Variants in ANKS1B observed in about 807,000 individuals in gnomAD.
ANKS1B encodes ankyrin repeat and sterile alpha motif domain-containing protein 1B.
ANKS1B carries 36 observed loss-of-function variants against 148.3 expected under a neutral mutation model. The observed-to-expected ratio is 0.24, with a 90% CI of 0.19 to 0.32. ANKS1B has a LOEUF of 0.32. Among genes scored for constraint, ANKS1B ranks in the 10% least tolerant of loss-of-function variants. ANKS1B has a pLI of 1.00. For missense variants in ANKS1B, 1,157 were observed against 1,542.6 expected (o/e 0.75, Z 4.19); for synonymous variants, 542 against 560.8 (o/e 0.97, Z 0.47).
At chr12:99,510,881 G>C (rs936223654) in intron 9 of ANKS1B, among the ~76,000 whole-genome samples, 1 of 151,970 alleles carries the variant, frequency 6.6e-6, no homozygotes, top group Non-Finnish European at 1.5e-5. Context: ...TTTGTATCCT[G>C]AGAGTTTGCT....
intron 10 of ANKS1B, among the ~76,000 whole-genome samples, chr12:99,484,918 T>C (rs1259278739): frequency 1.3e-5 from 2 of 151,786 alleles, no homozygotes; most frequent in African/African-American, 4.8e-5. Flanking sequence ...CAAGGATTCA[T>C]ATAATGAATC....
intron 11 of ANKS1B, among the ~76,000 whole-genome samples, chr12:99,425,695 T>C (rs2095238871): frequency 6.6e-6 from 1 of 151,886 alleles, no homozygotes; most frequent in East Asian, 1.9e-4. Context: ...TCATTTTTCC[T>C]TTTATTTATT....
In ANKS1B at chr12:98,827,660, T is replaced by A. The variant is rs188508935; in HGVS notation, c.3066+1514A>T. Among the ~76,000 whole-genome samples, 547 of 152,232 alleles carry A rather than the reference T, an allele frequency of 3.6e-3. 4 individuals are homozygous for A. The highest frequency in any genetic ancestry group is 0.012 in the African/African-American group (503 of 41,524). The stretch of plus-strand genomic sequence containing the variant: ...ATAGGTAGAAGGGTAAGTCGTTTTT[T>A]AAAAAAACCCTGCAGTATATGGAGA... On this transcript the variant is annotated intron_variant, in intron 19 of 26. Transcript: ENST00000683438.
intron 19 of ANKS1B, among the ~76,000 whole-genome samples, chr12:98,820,897 AT>A (rs2099183523): frequency 6.6e-6 from 1 of 152,214 alleles, no homozygotes. Context: ...TAAACATGAG[AT>A]TTACTTTAAA....
intron 10 of ANKS1B, among the ~76,000 whole-genome samples, chr12:99,448,209 GATGA>G (rs2095667465): frequency 6.6e-6 from 1 of 152,082 alleles, no homozygotes; most frequent in Non-Finnish European, 1.5e-5. Context: ...TCCATTAAGA[GATGA>G]ATGGATAAAT....
At chr12:99,747,885 C>T (rs546245415) in intron 8 of ANKS1B, among the ~76,000 whole-genome samples, 1 of 152,154 alleles carries the variant, frequency 6.6e-6, no homozygotes, top group African/African-American at 2.4e-5. Context: ...CTAAAGAATC[C>T]ATCCAAAAGA....
rs755851597 is a variant in ANKS1B, at chr12:99,085,078, A to G, written c.2527-55T>C. 6 of 1,372,170 alleles carry G rather than the reference A, an allele frequency of 4.4e-6. No individual in the cohort carries two copies. The East Asian group carries it at 7.3e-5, about 17-fold the overall frequency. 85.0% of individuals were successfully genotyped at this position (1,372,170 alleles called of 1,614,324 possible). On this transcript the variant is annotated intron_variant, in intron 15 of 26. Transcript: ENST00000683438. ...AATCAAGCATTTATACTGTGGATAA[A>G]TAACAAGGATTTATTTAATACAGAG... is the stretch of plus-strand genomic sequence containing the variant.
At chr12:99,971,236 T>C (rs2095554487) in intron 1 of ANKS1B, among the ~76,000 whole-genome samples, 2 of 152,314 alleles carry the variant, frequency 1.3e-5, no homozygotes, top group Middle Eastern at 3.4e-3. Context: ...CGTTCTCTGC[T>C]TATGTCTTCA....
intron 17 of ANKS1B, among the ~76,000 whole-genome samples, chr12:99,005,455 A>ATACAT (rs2099935605): frequency 6.6e-6 from 1 of 152,208 alleles, no homozygotes; most frequent in Non-Finnish European, 1.5e-5. Context: ...TAAAAGGTTT[A>ATACAT]GTCATGGGGT....
At chr12:99,193,617 T>C (rs2081015093) in intron 14 of ANKS1B, among the ~76,000 whole-genome samples, 1 of 152,092 alleles carries the variant, frequency 6.6e-6, no homozygotes, top group African/African-American at 2.4e-5. Context: ...TGTAGGAGTG[T>C]CAGTTGTGAA....
chr12:99,172,685 T>G (rs994452782), intron 14 of ANKS1B, among the ~76,000 whole-genome samples: 2 of 152,178 alleles, frequency 1.3e-5, no homozygotes, highest in African/African-American at 4.8e-5. Flanking sequence ...GAACACTCTT[T>G]AGTTGCTAGA....
chr12:99,896,188 T>C (rs2153751963), intron 1 of ANKS1B, among the ~76,000 whole-genome samples: 1 of 151,258 alleles, frequency 6.6e-6, no homozygotes, highest in Non-Finnish European at 1.5e-5. Context: ...TGTGCTTACG[T>C]GTCCTACATA....
intron 1 of ANKS1B, among the ~76,000 whole-genome samples, chr12:99,894,289 AAGGGAGGGAGGGAGGG>A (rs752609673): frequency 0.016 from 719 of 45,822 alleles, 13 homozygotes; most frequent in East Asian, 0.023. Flanking sequence ...GGAAGGAAGG[AAGGGAGGGAGGGAGGG>A]AGGGAGGGAG....
intron 10 of ANKS1B, among the ~76,000 whole-genome samples, chr12:99,491,269 C>A (rs944257234): frequency 6.6e-6 from 1 of 151,604 alleles, no homozygotes; most frequent in East Asian, 1.9e-4. Context: ...AACGCCACTG[C>A]ACTCCAGCCT....
In ANKS1B at chr12:98,807,769, T is replaced by C. The variant is rs371782099; in HGVS notation, c.3141+75A>G. ...CTGCATTGCCAGGACACAGTACCTA[T>C]AGCTGTTGACAACACTGTGCAACAC... On this transcript the variant is annotated intron_variant, in intron 20 of 26. Coordinates refer to ENST00000683438, the MANE Select transcript of ANKS1B (RefSeq NM_001352186.2). 8.7e-5 allele frequency: 112 copies of C among 1,285,600 alleles called. No individual in the cohort carries two copies. The African/African-American group carries it at 1.5e-3, about 17-fold the overall frequency. 79.6% of individuals were successfully genotyped at this position (1,285,600 alleles called of 1,614,324 possible). A position where few individuals can be genotyped will look rare whatever the true frequency, so the allele number is the denominator to read the frequency against.
intron 12 of ANKS1B, among the ~76,000 whole-genome samples, chr12:99,347,248 A>G (rs1566935667): frequency 6.6e-6 from 1 of 152,014 alleles, no homozygotes; most frequent in Non-Finnish European, 1.5e-5. Flanking sequence ...AGAATATTAG[A>G]TGGGATAAAC....
At chr12:99,520,620 T>G (rs1294121417) in intron 9 of ANKS1B, among the ~76,000 whole-genome samples, 1 of 152,218 alleles carries the variant, frequency 6.6e-6, no homozygotes, top group Non-Finnish European at 1.5e-5. Context: ...TTTCTCTAGA[T>G]TTGGGAAGTT....
At chr12:99,900,736 G>C (rs1303729055) in intron 1 of ANKS1B, among the ~76,000 whole-genome samples, 2 of 152,144 alleles carry the variant, frequency 1.3e-5, no homozygotes, top group Admixed American at 1.3e-4. Context: ...CCAAGAGGCA[G>C]AGCCAGGATT....
chr12:99,413,975 C>T (rs933583014), intron 11 of ANKS1B, among the ~76,000 whole-genome samples: 8 of 152,188 alleles, frequency 5.3e-5, no homozygotes, highest in African/African-American at 1.7e-4. Flanking sequence ...CAGGTTCCTG[C>T]ACCTGCCTTT....
Sources: gnomAD v4.1 joint callset for allele counts (sites outside exome capture counted in the v4.1 genomes callset) on GRCh38, gnomAD v4.1.1 for gene constraint, MANE v1.5 for transcripts, NCBI Gene and HGNC (gene_info 2026-07-23, HGNC 2026-07-21) for gene names.